CCDC73: variants seen among roughly 807,000 people sequenced by gnomAD.
The protein encoded by CCDC73 is coiled-coil domain containing 73.
CCDC73 carries 95 observed loss-of-function variants against 116.5 expected under a neutral mutation model. The observed-to-expected ratio is 0.82, with a 90% CI of 0.69 to 0.97. The LOEUF (loss-of-function observed/expected upper bound fraction) is 0.97, where lower values mean the gene tolerates loss of function less well. Ranked by LOEUF, CCDC73 falls within the 50% of genes least tolerant of loss-of-function variation. The pLI, the probability that CCDC73 is intolerant of heterozygous loss-of-function variation, is 0.00. For synonymous variants in CCDC73, 398 were observed against 401.3 expected (o/e 0.99, Z 0.10); for missense variants, 1,066 against 1,206.8 (o/e 0.88, Z 1.73).
chr11:32,623,337 G>A (rs766613765), intron 14 of CCDC73, among the ~76,000 whole-genome samples: 1 of 152,034 alleles, frequency 6.6e-6, no homozygotes, highest in East Asian at 1.9e-4. Context: ...GAGGGGCAAA[G>A]CCAGACTGCC....
intron 1 of CCDC73, among the ~76,000 whole-genome samples, chr11:32,780,071 C>T (rs1395779068): frequency 5.9e-5 from 9 of 151,938 alleles, no homozygotes; most frequent in East Asian, 3.9e-4. Flanking sequence ...GCCAGGAGTT[C>T]GAAACGAACC....
intron 6 of CCDC73, among the ~76,000 whole-genome samples, chr11:32,688,346 T>C (rs1055798609): frequency 1.3e-5 from 2 of 152,184 alleles, no homozygotes; most frequent in African/African-American, 4.8e-5. Context: ...TGAGGAACGT[T>C]CTACAAAATA....
intron 6 of CCDC73, among the ~76,000 whole-genome samples, chr11:32,686,442 A>G (rs1162694878): frequency 1.3e-5 from 2 of 151,684 alleles, no homozygotes; most frequent in African/African-American, 4.8e-5. Flanking sequence ...TGTAGATACC[A>G]TTTTAAAGAC....
chr11:32,675,643 T>C lies in CCDC73; in HGVS notation c.567A>G (p.Val189=). ...KENHEKLEQN[V]REAIQSNKRL... is the part of the protein sequence containing the mutation. ...TTTTGTTTGATTGTATTGCTTCCCG[T>C]ACTGCAACATGAAAGACATTTAAGA... is the stretch of plus-strand genomic sequence containing the variant. The change falls in exon 9 of 18, where the codon GTA becomes GTG. Residue 189 remains valine (V), a splice_region_variant and synonymous_variant. Transcript: ENST00000335185. 1 of 1,582,422 alleles carries C rather than the reference T, an allele frequency of 6.3e-7. No homozygotes were observed. Among genetic ancestry groups the C allele is most frequent in the Non-Finnish European group, 8.6e-7 (1 of 1,169,068 alleles).
At chr11:32,829,992 C>CT in the CCDC73 span, 72,223 of 985,662 alleles carry the variant, frequency 0.073, 2,936 homozygotes, top group Non-Finnish European at 0.078. Flanking sequence ...GGGCGCCCCT[C>CT]TGCGAACCCC....
At chr11:32,625,124 T>C (rs1272609793) in intron 14 of CCDC73, among the ~76,000 whole-genome samples, 1 of 152,234 alleles carries the variant, frequency 6.6e-6, no homozygotes, top group Non-Finnish European at 1.5e-5. Context: ...TTGTTTTCCA[T>C]TGGCTTGGTA....
At chr11:32,707,665 T>C (rs1849866992) in intron 3 of CCDC73, among the ~76,000 whole-genome samples, 1 of 151,960 alleles carries the variant, frequency 6.6e-6, no homozygotes, top group East Asian at 1.9e-4. Flanking sequence ...GTCGTGAAAA[T>C]TCCAAAAAAA....
intron 7 of CCDC73, chr11:32,682,827 T>C (rs146585031): frequency 1.3e-5 from 2 of 152,078 alleles, no homozygotes; most frequent in East Asian, 3.9e-4. Context: ...AAAAGAGGAA[T>C]GCACAGTAAA....
At position 32,700,773 on chromosome 11, in the gene CCDC73, TA is replaced by T. The variant is rs771738065; in HGVS notation, c.315+17del. 1.5e-6 allele frequency: 2 copies of T among 1,302,006 alleles called. No homozygotes were observed. Among genetic ancestry groups the T allele is most frequent in the Non-Finnish European group, 1.1e-6 (1 of 948,774 alleles). The allele number at this position is 1,302,006 out of a possible 1,614,324, so 80.7% of individuals were successfully genotyped here. ...ATACTTTTTAATAGACAGAAAATTT[TA>T]AAAAAATTATAAATACCTTTTCTTC... On this transcript the variant is annotated intron_variant, in intron 5 of 17. Transcript: ENST00000335185.
chr11:32,746,923 C>T (rs1482066284), intron 2 of CCDC73, among the ~76,000 whole-genome samples: 1 of 152,160 alleles, frequency 6.6e-6, no homozygotes, highest in Non-Finnish European at 1.5e-5. Flanking sequence ...AAGCCTACTT[C>T]TGTCGACTTG....
intron 1 of CCDC73, among the ~76,000 whole-genome samples, chr11:32,761,925 C>G (rs1850395751): frequency 6.6e-6 from 1 of 152,166 alleles, no homozygotes; most frequent in South Asian, 2.1e-4. Flanking sequence ...GCAAAATTCC[C>G]ACTTCCTTGG....
chr11:32,766,642 G>A (rs1011750396), intron 1 of CCDC73, among the ~76,000 whole-genome samples: 3 of 152,278 alleles, frequency 2.0e-5, no homozygotes, highest in Non-Finnish European at 2.9e-5. Context: ...CAAAATCAAT[G>A]TGCAAAAATC....
At chr11:32,727,405 C>T (rs1850037686) in intron 2 of CCDC73, among the ~76,000 whole-genome samples, 1 of 152,140 alleles carries the variant, frequency 6.6e-6, no homozygotes, top group Admixed American at 6.5e-5. Context: ...TTAAGCTCTG[C>T]TTCCCAGAGG....
chr11:32,762,296 A>G (rs1850399144), intron 1 of CCDC73, among the ~76,000 whole-genome samples: 1 of 152,130 alleles, frequency 6.6e-6, no homozygotes, highest in Non-Finnish European at 1.5e-5. Context: ...AAAAGATAAT[A>G]AAAAATTATG....
chr11:32,802,689 C>T, the CCDC73 span, among the ~76,000 whole-genome samples: 1 of 152,182 alleles, frequency 6.6e-6, no homozygotes, highest in Non-Finnish European at 1.5e-5. Context: ...ATAACTACTG[C>T]TATGGAGGAG....
chr11:32,741,226 T>G (rs1410221722), intron 2 of CCDC73, among the ~76,000 whole-genome samples: 1 of 151,918 alleles, frequency 6.6e-6, no homozygotes, highest in African/African-American at 2.4e-5. Flanking sequence ...GTCTCTTTGT[T>G]GACTTTCTGT....
chr11:32,798,915 T>TGTG (rs572175533), upstream of CCDC73, among the ~76,000 whole-genome samples: 370 of 143,172 alleles, frequency 2.6e-3, 9 homozygotes, highest in Non-Finnish European at 7.5e-4. Context: ...TTGTTTGTTT[T>TGTG]GGGGGGGGGC....
chr11:32,621,850 A>G (rs1400401919), intron 14 of CCDC73, among the ~76,000 whole-genome samples: 1 of 152,240 alleles, frequency 6.6e-6, no homozygotes, highest in East Asian at 1.9e-4. Context: ...TGGGCAAAGG[A>G]TATGAACAGA....
chr11:32,829,059 A>C, the CCDC73 span, among the ~76,000 whole-genome samples: 1 of 152,222 alleles, frequency 6.6e-6, no homozygotes, highest in Non-Finnish European at 1.5e-5. Context: ...GGATCTCTTG[A>C]GCCCAGGAGT....
Sources: gnomAD v4.1 joint callset for allele counts (sites outside exome capture counted in the v4.1 genomes callset) on GRCh38, gnomAD v4.1.1 for gene constraint, MANE v1.5 for transcripts, NCBI Gene and HGNC (gene_info 2026-07-23, HGNC 2026-07-21) for gene names.